Variants in PRKN observed in about 807,000 individuals in gnomAD.
PRKN encodes the protein parkin RBR E3 ubiquitin protein ligase.
Under a neutral mutation model 59.5 loss-of-function variants are expected in PRKN, and 56 were observed. The ratio of observed to expected loss-of-function variants is 0.94; its 90% CI spans 0.76 to 1.18. PRKN has a LOEUF of 1.18. PRKN is among the 50% of genes most tolerant of loss of function. PRKN has a pLI of 0.00. For missense variants in PRKN, 657 were observed against 596.4 expected, an observed-to-expected ratio of 1.10 and a Z score of -1.06; for synonymous variants, 250 against 222.1, an observed-to-expected ratio of 1.13 and a Z score of -1.12.
intron 10 of PRKN, among the ~76,000 whole-genome samples, chr6:161,380,716 C>T (rs1472936841): frequency 6.6e-6 from 1 of 152,082 alleles, no homozygotes; most frequent in Admixed American, 6.5e-5. Context: ...CACAACGTTG[C>T]AGCCAAAATT....
intron 5 of PRKN, among the ~76,000 whole-genome samples, chr6:162,001,740 CAA>C (rs1330005468): frequency 1.3e-5 from 2 of 151,694 alleles, no homozygotes; most frequent in Non-Finnish European, 2.9e-5. Flanking sequence ...ATCTTAATGG[CAA>C]AGAGTCTAGC....
At chr6:161,693,759 T>C (rs1785902218) in intron 7 of PRKN, among the ~76,000 whole-genome samples, 1 of 152,214 alleles carries the variant, frequency 6.6e-6, no homozygotes, top group African/African-American at 2.4e-5. Context: ...TAATATACAA[T>C]TACTTTTCAT....
Position 161,529,668 on chromosome 6 carries a change from G to A in PRKN, c.1083+19186C>T, listed in dbSNP as rs1779134880. Among the ~76,000 whole-genome samples, 1 of 152,150 alleles carries A rather than the reference G, an allele frequency of 6.6e-6. No homozygotes were observed. The highest frequency in any genetic ancestry group is 2.4e-5 in the African/African-American group (1 of 41,424). ...AAGTGAGGCTGTTTTGGAAGAAGCT[G>A]TCCTACATATAAGTTGTCTTCTGCA... is the stretch of plus-strand genomic sequence containing the variant. On this transcript the variant is annotated intron_variant, in intron 9 of 11. Coordinates refer to ENST00000366898, the MANE Select transcript of PRKN (RefSeq NM_004562.3). This position sits in a 1 kb window ranked among gnomAD's most constrained non-coding sequence, Gnocchi z 4.4.
chr6:161,661,559 T>G (rs1784546885), intron 7 of PRKN, among the ~76,000 whole-genome samples: 1 of 151,932 alleles, frequency 6.6e-6, no homozygotes, highest in Non-Finnish European at 1.5e-5. Flanking sequence ...GCTTCCATTT[T>G]TTTTTTTTCT....
At chr6:161,594,686 T>C (rs904810359) in intron 7 of PRKN, among the ~76,000 whole-genome samples, 10 of 151,886 alleles carry the variant, frequency 6.6e-5, no homozygotes, top group South Asian at 2.1e-4. Flanking sequence ...TTAAAATATA[T>C]AAATATTTTT....
At chr6:161,606,232 C>A (rs1385027696) in intron 7 of PRKN, among the ~76,000 whole-genome samples, 1 of 152,142 alleles carries the variant, frequency 6.6e-6, no homozygotes, top group Non-Finnish European at 1.5e-5. Flanking sequence ...GGAAGCTGCT[C>A]AACTCTCCAG....
chr6:161,881,518 A>G (rs753377551), intron 6 of PRKN, among the ~76,000 whole-genome samples: 6 of 152,172 alleles, frequency 3.9e-5, no homozygotes, highest in Non-Finnish European at 8.8e-5. Flanking sequence ...CACTGCAAAT[A>G]TGCATTCCCT....
At chr6:162,720,438 C>CTTTTT (rs148313968) in intron 1 of PRKN, among the ~76,000 whole-genome samples, 7 of 90,104 alleles carry the variant, frequency 7.8e-5, no homozygotes, top group African/African-American at 1.3e-4. Context: ...CATAGATGGT[C>CTTTTT]TTTTTTTTTT....
chr6:161,660,183 C>T (rs2128165146), intron 7 of PRKN, among the ~76,000 whole-genome samples: 1 of 152,260 alleles, frequency 6.6e-6, no homozygotes, highest in Middle Eastern at 3.4e-3. Flanking sequence ...GAGGCCATGG[C>T]TCTGCTTGAA....
chr6:162,129,423 T>C (rs1449865426), intron 4 of PRKN, among the ~76,000 whole-genome samples: 1 of 152,144 alleles, frequency 6.6e-6, no homozygotes, highest in Non-Finnish European at 1.5e-5. Flanking sequence ...GCTACTAACA[T>C]AGATGAGGCA....
At position 162,569,147 on chromosome 6, in the gene PRKN, G is replaced by A. The variant is rs898301962; in HGVS notation, c.8-125674C>T. 39 of 620,816 alleles carry A rather than the reference G, an allele frequency of 6.3e-5. No individual in the cohort carries two copies. The African/African-American group carries it at 6.9e-4, about 11-fold the overall frequency. 38.5% of individuals were successfully genotyped at this position (620,816 alleles called of 1,614,324 possible). A position where few individuals can be genotyped will look rare whatever the true frequency, so the allele number is the denominator to read the frequency against. On this transcript the variant is annotated intron_variant, in intron 1 of 11. Transcript: ENST00000366898. Reference sequence around the variant, plus strand: ...CCAACCTCAGCCGGGCTGAGGCTAAGAGCATGTACCAGATCAAGTATAAGG... The same window carrying A: ...CCAACCTCAGCCGGGCTGAGGCTAAAAGCATGTACCAGATCAAGTATAAGG...
At chr6:162,375,344 A>C (rs2128138517) in intron 2 of PRKN, among the ~76,000 whole-genome samples, 1 of 152,182 alleles carries the variant, frequency 6.6e-6, no homozygotes, top group Non-Finnish European at 1.5e-5. Flanking sequence ...ATACTTCAAA[A>C]AAGCCACTGG....
Position 161,413,912 on chromosome 6 carries a change from C to A in PRKN, c.1084-27035G>T, listed in dbSNP as rs1787709852. ...AGCTGCTGTTCCTTTCTCTTTCCTG[C>A]CTTCTGAAGAGGAGACTGTGGAAAG... On this transcript the variant is annotated intron_variant, in intron 9 of 11. Coordinates refer to ENST00000366898, the MANE Select transcript of PRKN (RefSeq NM_004562.3). The surrounding 1 kb of genome is among the most constrained non-coding windows in gnomAD (Gnocchi z 4.4). Among the ~76,000 whole-genome samples, 1 of 152,100 alleles carries A rather than the reference C, an allele frequency of 6.6e-6. No homozygotes were observed. Among genetic ancestry groups the A allele is most frequent in the African/African-American group, 2.4e-5 (1 of 41,396 alleles).
At chr6:161,815,895 G>C (rs1791759664) in intron 6 of PRKN, among the ~76,000 whole-genome samples, 1 of 152,160 alleles carries the variant, frequency 6.6e-6, no homozygotes, top group Admixed American at 6.5e-5. Flanking sequence ...CCTGCGCTTT[G>C]GAAAATGGTA....
In PRKN at chr6:162,519,417, G is replaced by A. The variant is rs564326245; in HGVS notation, c.8-75944C>T. On this transcript the variant is annotated intron_variant, in intron 1 of 11. Transcript: ENST00000366898. ...CTAGTATTAGCCTATGAGGGCTCTT[G>A]GATAGCTTTATTTTGGGCTTTGTGT... Among the ~76,000 whole-genome samples, 38 of 152,194 alleles carry A rather than the reference G, an allele frequency of 2.5e-4. No individual in the cohort carries two copies. The South Asian group carries it at 6.4e-3, about 26-fold the overall frequency.
intron 11 of PRKN, among the ~76,000 whole-genome samples, chr6:161,351,609 G>A (rs1045457165): frequency 6.6e-6 from 1 of 152,158 alleles, no homozygotes; most frequent in Non-Finnish European, 1.5e-5. Context: ...ACAGGCGTGA[G>A]CTACCGCACC....
In PRKN at chr6:161,770,452, C is replaced by CTTTATTTA. The variant is rs36204395; in HGVS notation, c.871+15312_871+15319dup. Reference sequence around the variant, plus strand: ...ATGTGACTCTATTTGGCAATAGAGCCTTTATTTATTTATTTATTTATTTAT... The same window carrying CTTTATTTA: ...ATGTGACTCTATTTGGCAATAGAGCCTTTATTTATTTATTTATTTATTTATTTATTTAT... On this transcript the variant is annotated intron_variant, in intron 7 of 11. Coordinates refer to ENST00000366898, the MANE Select transcript of PRKN (RefSeq NM_004562.3). Among the ~76,000 whole-genome samples, 877 of 151,024 alleles carry CTTTATTTA rather than the reference C, an allele frequency of 5.8e-3. 10 individuals carry two copies. Among genetic ancestry groups the CTTTATTTA allele is most frequent in the African/African-American group, 0.02 (835 of 41,018 alleles).
At chr6:161,733,787 T>TATATATATATATATATATATAC (rs1562641719) in intron 7 of PRKN, among the ~76,000 whole-genome samples, 2 of 80,414 alleles carry the variant, frequency 2.5e-5, no homozygotes, top group African/African-American at 1.4e-4. Flanking sequence ...AAAAAAAATA[T>TATATATATATATATATATATAC]ATATATATAT....
intron 2 of PRKN, among the ~76,000 whole-genome samples, chr6:162,275,837 T>C (rs1487863801): frequency 1.3e-5 from 2 of 151,618 alleles, no homozygotes; most frequent in South Asian, 2.1e-4. Context: ...TGTCCATCGA[T>C]TGTACTTATT....
Sources: allele counts gnomAD v4.1 joint callset (sites outside exome capture counted in the v4.1 genomes callset), GRCh38; gene constraint gnomAD v4.1.1; non-coding constraint Gnocchi (gnomAD v3.1); transcripts MANE v1.5; gene names NCBI Gene and HGNC (gene_info 2026-07-23, HGNC 2026-07-21).